SCOC: variants seen among roughly 807,000 people sequenced by gnomAD.
The protein encoded by SCOC is short coiled-coil protein.
Under a neutral mutation model 9.9 loss-of-function variants are expected in SCOC, and 7 were observed. That is an observed-to-expected ratio of 0.71 (90% CI 0.40 to 1.33). The LOEUF (loss-of-function observed/expected upper bound fraction) is 1.33. SCOC is among the 40% of genes most tolerant of loss of function. The probability of loss-of-function intolerance (pLI) is 0.01; values close to 1 mark genes in which losing one functional copy is unlikely to be tolerated. For missense variants in SCOC, 66 were observed against 89.7 expected, an observed-to-expected ratio of 0.74 and a Z score of 1.07; for synonymous variants, 19 against 28.2, an observed-to-expected ratio of 0.67 and a Z score of 1.03.
chr4:140,298,151 G>A (rs1731706253), intron 1 of SCOC, among the ~76,000 whole-genome samples: 1 of 152,168 alleles, frequency 6.6e-6, no homozygotes, highest in Admixed American at 6.5e-5. Flanking sequence ...CCCCGGAGGT[G>A]TCCACCTTGC....
At chr4:140,309,487 A>G (rs1408221384) in intron 1 of SCOC, among the ~76,000 whole-genome samples, 1 of 152,128 alleles carries the variant, frequency 6.6e-6, no homozygotes. Flanking sequence ...TCTGTTGCTG[A>G]GGCATTGTCA....
chr4:140,320,263 C>A (rs1029381320), intron 1 of SCOC, among the ~76,000 whole-genome samples: 1 of 152,214 alleles, frequency 6.6e-6, no homozygotes, highest in African/African-American at 2.4e-5. Context: ...AATGCCATGA[C>A]AACCTCAGGA....
At chr4:140,264,768 T>G (rs977720506) in intron 1 of SCOC, among the ~76,000 whole-genome samples, 1 of 152,202 alleles carries the variant, frequency 6.6e-6, no homozygotes, top group African/African-American at 2.4e-5. Context: ...TTTAAAAAAT[T>G]TCATGAGTTC....
At chr4:140,353,183 A>G (rs1727051353) in intron 2 of SCOC, among the ~76,000 whole-genome samples, 2 of 152,146 alleles carry the variant, frequency 1.3e-5, no homozygotes, top group South Asian at 4.1e-4. Flanking sequence ...GTACAGAGAG[A>G]AGGAGGACAC....
chr4:140,343,975 C>T lies in SCOC; in HGVS notation c.70+267C>T, dbSNP rs576680019. Among the ~76,000 whole-genome samples the T allele has an allele frequency of 1.3e-3, 201 of 152,126 alleles. 1 individual carries two copies. Among genetic ancestry groups the T allele is most frequent in the Non-Finnish European group, 2.5e-3 (170 of 67,996 alleles). On this transcript the variant is annotated intron_variant, in intron 2 of 4. Coordinates refer to the SCOC transcript ENST00000338517. ...AAATATTTCCTAAAAGTTCAGGAAA[C>T]ATGATGTCAAAGTTGCTACGAAAAC...
intron 1 of SCOC, among the ~76,000 whole-genome samples, chr4:140,309,764 G>A (rs1465831607): frequency 4.6e-5 from 7 of 152,126 alleles, no homozygotes; most frequent in Admixed American, 4.6e-4. Flanking sequence ...GAGTTACTCT[G>A]AAGTGCCTAT....
At chr4:140,366,404 G>T in intron 2 of SCOC, 1 of 1,297,968 alleles carries the variant, frequency 7.7e-7, no homozygotes, top group Non-Finnish European at 1.1e-6. Flanking sequence ...AACTTTAGCA[G>T]CAGCTGCAGC....
chr4:140,317,684 G>T (rs1225545212), intron 1 of SCOC, among the ~76,000 whole-genome samples: 7 of 127,248 alleles, frequency 5.5e-5, no homozygotes, highest in South Asian at 2.5e-4. Flanking sequence ...TATTTTATTT[G>T]TATTATTATT....
chr4:140,366,568 C>T lies in SCOC; in HGVS notation c.71-12553C>T. 12 of 1,602,306 alleles carry T rather than the reference C, an allele frequency of 7.5e-6. No individual in the cohort carries two copies. The Middle Eastern group carries it at 1.7e-3, about 225-fold the overall frequency. On this transcript the variant is annotated intron_variant, in intron 2 of 4. Transcript: ENST00000338517. ...ATCTGTCATCTTGGCTTTCCTTTCT[C>T]TGGCTTCAATCTTCTTGGCCCATCG...
chr4:140,326,697 C>T (rs1732659594), intron 1 of SCOC, among the ~76,000 whole-genome samples: 3 of 152,126 alleles, frequency 2.0e-5, no homozygotes, highest in Non-Finnish European at 2.9e-5. Flanking sequence ...ACTTCTAATG[C>T]TAAAGTCTTT....
chr4:140,272,800 A>G (rs1730878798), intron 1 of SCOC, among the ~76,000 whole-genome samples: 1 of 152,014 alleles, frequency 6.6e-6, no homozygotes, highest in Admixed American at 6.6e-5. Context: ...AAGGTCTGCT[A>G]TATTTGGGTG....
intron 1 of SCOC, chr4:140,284,382 G>A (rs1024716608): frequency 6.6e-6 from 1 of 152,108 alleles, no homozygotes. Context: ...GGAAATTCAC[G>A]GGCATGGTTC....
chr4:140,326,083 CATATTAT>C (rs985185499), intron 1 of SCOC, among the ~76,000 whole-genome samples: 3 of 152,030 alleles, frequency 2.0e-5, no homozygotes, highest in African/African-American at 7.2e-5. Context: ...CAAAAGGCTA[CATATTAT>C]ATGATTTCAT....
At chr4:140,358,265 T>G (rs961904766) in intron 2 of SCOC, among the ~76,000 whole-genome samples, 7 of 152,230 alleles carry the variant, frequency 4.6e-5, no homozygotes, top group African/African-American at 1.7e-4. Context: ...CACTTGTAAT[T>G]TGCATTACCA....
At chr4:140,316,784 G>T (rs951835147) in intron 1 of SCOC, among the ~76,000 whole-genome samples, 10 of 152,184 alleles carry the variant, frequency 6.6e-5, no homozygotes, top group Non-Finnish European at 1.0e-4. Flanking sequence ...TATTTTCAAT[G>T]AAACTATGAT....
intron 2 of SCOC, 25 bp from the exon 3 acceptor site, chr4:140,379,544 G>A: frequency 6.4e-7 from 1 of 1,553,456 alleles, no homozygotes; most frequent in African/African-American, 1.4e-5. Flanking sequence ...CTAATTAATA[G>A]TAAATTTGAA....
intron 1 of SCOC, among the ~76,000 whole-genome samples, chr4:140,295,037 T>G (rs1362576479): frequency 1.3e-5 from 2 of 152,202 alleles, no homozygotes; most frequent in East Asian, 3.8e-4. Context: ...ACCAGTTAAA[T>G]AAAGCACAGT....
intron 2 of SCOC, among the ~76,000 whole-genome samples, chr4:140,355,209 TTTTATATATA>T (rs1309517013): frequency 5.9e-4 from 6 of 10,192 alleles, no homozygotes; most frequent in African/African-American, 8.3e-4. Flanking sequence ...TACATTATAT[TTTTATATATA>T]TATATATATA....
In SCOC at chr4:140,381,775, G is replaced by A. The variant is rs909168100; in HGVS notation, c.*671G>A. The A allele has an allele frequency of 6.6e-5, 10 of 151,998 alleles. No homozygotes were observed. The highest frequency in any genetic ancestry group is 2.4e-4 in the African/African-American group (10 of 41,390). The allele number at this position is 151,998 out of a possible 1,614,324, so 9.4% of individuals were successfully genotyped here. A position where few individuals can be genotyped will look rare whatever the true frequency, so the allele number is the denominator to read the frequency against. Reference sequence around the variant, plus strand: ...TTTTCTTTGAAACTGAATTAACTTGGGAATATTTGTTGTTAAAAACTTCTT... The same window carrying A: ...TTTTCTTTGAAACTGAATTAACTTGAGAATATTTGTTGTTAAAAACTTCTT... On this transcript the variant is annotated 3_prime_UTR_variant, in exon 4 of 4. Transcript: ENST00000608372.
Sources: allele counts gnomAD v4.1 joint callset (sites outside exome capture counted in the v4.1 genomes callset), GRCh38; gene constraint gnomAD v4.1.1; transcripts MANE v1.5; gene names NCBI Gene and HGNC (gene_info 2026-07-23, HGNC 2026-07-21).